SAMD3: variants seen among roughly 807,000 people sequenced by gnomAD.
The protein encoded by SAMD3 is sterile alpha motif domain-containing protein 3.
In SAMD3, 63 loss-of-function variants were observed where a neutral mutation model predicts 58.5. That is an observed-to-expected ratio of 1.08 (90% CI 0.88 to 1.33). The LOEUF is 1.33. SAMD3 is among the 40% of genes most tolerant of loss of function. The pLI is 0.00. For missense variants in SAMD3, 604 were observed against 608.4 expected (o/e 0.99, Z 0.08); for synonymous variants, 220 against 210.3 (o/e 1.05, Z -0.40).
chr6:130,234,223 T>C (rs1176796127), intron 2 of SAMD3, among the ~76,000 whole-genome samples: 1 of 152,184 alleles, frequency 6.6e-6, no homozygotes, highest in Non-Finnish European at 1.5e-5. Context: ...TTTAATTATT[T>C]CTTCATATGG....
intron 2 of SAMD3, among the ~76,000 whole-genome samples, chr6:130,307,618 G>A (rs1775950549): frequency 6.6e-6 from 1 of 152,124 alleles, no homozygotes; most frequent in African/African-American, 2.4e-5. Context: ...AGAGAATTTT[G>A]AAAATCAAAT....
intron 2 of SAMD3, among the ~76,000 whole-genome samples, chr6:130,295,881 G>T (rs1775552386): frequency 6.6e-6 from 1 of 152,168 alleles, no homozygotes; most frequent in South Asian, 2.1e-4. Context: ...AGTAAAAATG[G>T]CAAGTTTAGT....
chr6:130,154,303 C>T (rs1399126801), intron 9 of SAMD3, among the ~76,000 whole-genome samples: 7 of 150,574 alleles, frequency 4.6e-5, no homozygotes, highest in African/African-American at 1.7e-4. Flanking sequence ...GGGTCTGCTT[C>T]CTGAAATTCC....
chr6:130,251,198 T>C (rs968243609), intron 2 of SAMD3, among the ~76,000 whole-genome samples: 5 of 152,072 alleles, frequency 3.3e-5, no homozygotes, highest in Non-Finnish European at 7.4e-5. Context: ...GACACATCTC[T>C]GTATGCATCT....
chr6:130,224,221 C>A (rs1311841341), upstream of SAMD3, among the ~76,000 whole-genome samples: 1 of 152,120 alleles, frequency 6.6e-6, no homozygotes, highest in Non-Finnish European at 1.5e-5. Context: ...TGATGTCCAG[C>A]CGCTTGTGTC....
At chr6:130,290,781 G>A (rs749909003) in intron 2 of SAMD3, among the ~76,000 whole-genome samples, 2 of 152,100 alleles carry the variant, frequency 1.3e-5, no homozygotes. Flanking sequence ...AAGATAGTAT[G>A]GAGTAAATGT....
At chr6:130,286,675 G>T (rs774936807) in intron 2 of SAMD3, among the ~76,000 whole-genome samples, 48 of 140,350 alleles carry the variant, frequency 3.4e-4, no homozygotes, top group Non-Finnish European at 6.3e-4. Context: ...TCCTTCATTG[G>T]CTTCTCCAAA....
intron 8 of SAMD3, among the ~76,000 whole-genome samples, chr6:130,173,720 C>A (rs1791453507): frequency 6.6e-6 from 1 of 152,178 alleles, no homozygotes; most frequent in African/African-American, 2.4e-5. Context: ...CTGGGAGAAT[C>A]CCTCTTGTCA....
At chr6:130,247,988 A>C (rs1484220705) in intron 2 of SAMD3, among the ~76,000 whole-genome samples, 1 of 152,106 alleles carries the variant, frequency 6.6e-6, no homozygotes, top group Non-Finnish European at 1.5e-5. Flanking sequence ...TTCCTAATAT[A>C]TTTAGTGTGA....
intron 2 of SAMD3, among the ~76,000 whole-genome samples, chr6:130,288,404 C>T (rs866922956): frequency 6.6e-6 from 1 of 152,146 alleles, no homozygotes; most frequent in African/African-American, 2.4e-5. Flanking sequence ...ACCTACATTA[C>T]GGAGAGTAAT....
At chr6:130,148,542 G>A (rs191535554) in intron 9 of SAMD3, among the ~76,000 whole-genome samples, 2 of 152,130 alleles carry the variant, frequency 1.3e-5, no homozygotes, top group Admixed American at 6.5e-5. Flanking sequence ...ATTTCTCCAC[G>A]AACCCTAATT....
chr6:130,177,135 C>T (rs767827426), intron 7 of SAMD3, among the ~76,000 whole-genome samples: 5 of 152,260 alleles, frequency 3.3e-5, no homozygotes, highest in South Asian at 4.1e-4. Context: ...TTGCTGAGCA[C>T]CACTCTCAGC....
intron 2 of SAMD3, among the ~76,000 whole-genome samples, chr6:130,295,841 G>A (rs117376149): frequency 0.025 from 3,840 of 152,190 alleles, 69 homozygotes; most frequent in Non-Finnish European, 0.04. Flanking sequence ...CCACTTCCCT[G>A]CCCTTCTTGA....
At chr6:130,267,656 G>A (rs1410457989) in intron 2 of SAMD3, among the ~76,000 whole-genome samples, 2 of 152,178 alleles carry the variant, frequency 1.3e-5, no homozygotes, top group East Asian at 3.9e-4. Context: ...GGGCCTGCCT[G>A]ACCTAAGCCT....
chr6:130,185,682 G>A (rs1792892525), intron 5 of SAMD3, among the ~76,000 whole-genome samples: 1 of 146,948 alleles, frequency 6.8e-6, no homozygotes, highest in Admixed American at 6.9e-5. Context: ...CCAGGCTGGT[G>A]TGCAGTGGTG....
chr6:130,173,416 T>C (rs1791424065), intron 8 of SAMD3, among the ~76,000 whole-genome samples: 1 of 152,238 alleles, frequency 6.6e-6, no homozygotes, highest in African/African-American at 2.4e-5. Flanking sequence ...TGTTTGTTAG[T>C]TTTTCTTCTA....
intron 7 of SAMD3, among the ~76,000 whole-genome samples, chr6:130,177,788 A>G (rs950097211): frequency 6.6e-6 from 1 of 151,866 alleles, no homozygotes; most frequent in Non-Finnish European, 1.5e-5. Flanking sequence ...AGAAAGGCTC[A>G]TGCCTGCTTT....
At chr6:130,303,627 T>C (rs907126014) in intron 2 of SAMD3, among the ~76,000 whole-genome samples, 48 of 152,134 alleles carry the variant, frequency 3.2e-4, no homozygotes, top group Non-Finnish European at 1.2e-4. Flanking sequence ...CATCAGTGAG[T>C]TATGTTGGCC....
At chr6:130,177,011 T>C (rs1378324951) in intron 7 of SAMD3, among the ~76,000 whole-genome samples, 2 of 152,172 alleles carry the variant, frequency 1.3e-5, no homozygotes, top group African/African-American at 4.8e-5. Context: ...TCTGTCTCTG[T>C]GGACAGGCTG....
Sources: allele counts gnomAD v4.1 joint callset (sites outside exome capture counted in the v4.1 genomes callset), GRCh38; gene constraint gnomAD v4.1.1; transcripts MANE v1.5; gene names NCBI Gene and HGNC (gene_info 2026-07-23, HGNC 2026-07-21).